FMO5: variants seen among roughly 807,000 people sequenced by gnomAD.
FMO5 encodes the protein flavin-containing monooxygenase 5.
In FMO5, 51 loss-of-function variants were observed where a neutral mutation model predicts 43.6. That is an observed-to-expected ratio of 1.17 (90% CI 0.93 to 1.48). FMO5 has a LOEUF of 1.48. FMO5 is among the 40% of genes most tolerant of loss of function. The pLI, the probability that FMO5 is intolerant of heterozygous loss-of-function variation, is 0.00. For synonymous variants in FMO5, 187 were observed against 216.5 expected (o/e 0.86, Z 1.20); for missense variants, 644 against 643.0 (o/e 1.00, Z -0.02).
intron 5 of FMO5, 78 bp downstream of exon 5, chr1:147,212,315 G>A: frequency 6.9e-7 from 1 of 1,459,430 alleles, no homozygotes; most frequent in Non-Finnish European, 9.5e-7. Flanking sequence ...CCTATTCTCT[G>A]TTGGGTCCAC....
chr1:147,205,005 T>C, intron 6 of FMO5: 1 of 834,328 alleles, frequency 1.2e-6, no homozygotes, highest in Non-Finnish European at 2.0e-6. Flanking sequence ...TCATGCCTGA[T>C]GAACCTGGAG....
At chr1:147,209,320 C>T (rs1414487334) in intron 5 of FMO5, among the ~76,000 whole-genome samples, 1 of 151,608 alleles carries the variant, frequency 6.6e-6, no homozygotes, top group African/African-American at 2.4e-5. Context: ...TGCCTGTAGT[C>T]CCAGCTACTC....
chr1:147,222,578 CT>C (rs2102083254), intron 2 of FMO5, among the ~76,000 whole-genome samples: 1 of 152,234 alleles, frequency 6.6e-6, no homozygotes, highest in Non-Finnish European at 1.5e-5. Flanking sequence ...ATCTGGGGAG[CT>C]TTAAAAAATG....
intron 7 of FMO5, among the ~76,000 whole-genome samples, chr1:147,199,814 A>G (rs138565621): frequency 6.6e-6 from 1 of 152,330 alleles, no homozygotes; most frequent in Non-Finnish European, 1.5e-5. Flanking sequence ...TTGTTGAACT[A>G]TCAACTGTAA....
At chr1:147,219,453 C>T (rs927070827) in intron 2 of FMO5, among the ~76,000 whole-genome samples, 1 of 152,060 alleles carries the variant, frequency 6.6e-6, no homozygotes. Flanking sequence ...TGAAAACTCT[C>T]AGCAAACTAG....
chr1:147,213,432 G>A lies in FMO5; in HGVS notation c.363C>T (p.Ala121=), dbSNP rs782514907. Residue 121 remains alanine (A), a synonymous_variant, in exon 4 of 9, where the codon GCC becomes GCT. Transcript: ENST00000254090. ...VCSVKKQPDF[A]TSGQWEVVTE... ...TGACCACTTCCCATTGGCCTGAAGT[G>A]GCAAAATCAGGCTGCTTCTTCACAC... 14 of 1,611,982 alleles carry A rather than the reference G, an allele frequency of 8.7e-6. No homozygotes were observed. The highest frequency in any genetic ancestry group is 1.0e-5 in the Non-Finnish European group (12 of 1,178,934).
At chr1:147,227,062 C>G (rs1324049908), upstream of FMO5, among the ~76,000 whole-genome samples, 1 of 152,172 alleles carries the variant, frequency 6.6e-6, no homozygotes, top group Non-Finnish European at 1.5e-5. Context: ...CTCCTGGGCT[C>G]AAGTGATCCA....
In FMO5 at chr1:147,225,059, C is replaced by T. The variant is rs1663799617; in HGVS notation, c.-30G>A. 1 of 1,613,906 alleles carries T rather than the reference C, an allele frequency of 6.2e-7. No individual in the cohort carries two copies. Among genetic ancestry groups the T allele is most frequent in the South Asian group, 1.1e-5 (1 of 91,072 alleles). ...TCCCGAGATCTTCACCTGTTAGTGT[C>T]GCCTGTCCTAAAGAAAGGATGACAA... is the stretch of plus-strand genomic sequence containing the variant. On this transcript the variant is annotated 5_prime_UTR_variant, in exon 2 of 9. Coordinates refer to ENST00000254090, the MANE Select transcript of FMO5 (RefSeq NM_001461.4).
chr1:147,218,797 C>A (rs979572137), intron 2 of FMO5, among the ~76,000 whole-genome samples: 3 of 152,148 alleles, frequency 2.0e-5, no homozygotes, highest in Non-Finnish European at 4.4e-5. Context: ...TTTAAACCTT[C>A]GTAAATATTA....
intron 2 of FMO5, among the ~76,000 whole-genome samples, chr1:147,219,415 ATGT>A (rs1662600928): frequency 6.6e-6 from 1 of 152,164 alleles, no homozygotes; most frequent in South Asian, 2.1e-4. Context: ...TTTTGTTAAA[ATGT>A]TGTTTGTACA....
chr1:147,191,133 G>A (rs587743637), intron 7 of FMO5, among the ~76,000 whole-genome samples: 66 of 152,150 alleles, frequency 4.3e-4, no homozygotes, highest in Non-Finnish European at 1.6e-4. Flanking sequence ...GAATAGTGCC[G>A]CAATAAACAT....
intron 2 of FMO5, among the ~76,000 whole-genome samples, chr1:147,217,181 G>C (rs1264439260): frequency 6.6e-6 from 1 of 151,924 alleles, no homozygotes; most frequent in African/African-American, 2.4e-5. Context: ...CGGAGGTTGC[G>C]GTGACAGAGA....
Position 147,186,638 on chromosome 1 carries a change from A to G in FMO5, c.*262T>C, listed in dbSNP as rs587690790. The G allele has an allele frequency of 8.0e-7, 1 of 1,251,064 alleles. No individual in the cohort carries two copies. The highest frequency in any genetic ancestry group is 1.5e-5 in the African/African-American group (1 of 65,512). The allele number at this position is 1,251,064 out of a possible 1,614,324, so 77.5% of individuals were successfully genotyped here. ...TCAAGAACTCTGCTAAAGACATACAAAGATGACTAAAAGAGTACCTGAGCT... is the reference window on the plus strand; with the variant it reads ...TCAAGAACTCTGCTAAAGACATACAGAGATGACTAAAAGAGTACCTGAGCT... On this transcript the variant is annotated 3_prime_UTR_variant, in exon 9 of 9. Coordinates refer to ENST00000254090, the MANE Select transcript of FMO5 (RefSeq NM_001461.4).
intron 7 of FMO5, among the ~76,000 whole-genome samples, chr1:147,192,606 G>A (rs1553918818): frequency 6.6e-6 from 1 of 151,872 alleles, no homozygotes; most frequent in African/African-American, 2.4e-5. Context: ...CAAAGGGAAT[G>A]CTTCCAGTTT....
chr1:147,199,072 T>C (rs2101813184), intron 7 of FMO5, among the ~76,000 whole-genome samples: 1 of 152,218 alleles, frequency 6.6e-6, no homozygotes, highest in South Asian at 2.1e-4. Flanking sequence ...GAAACTATGT[T>C]TCATTTCAGT....
chr1:147,198,414 A>G (rs1658372386), intron 7 of FMO5, among the ~76,000 whole-genome samples: 1 of 152,180 alleles, frequency 6.6e-6, no homozygotes, highest in African/African-American at 2.4e-5. Flanking sequence ...TAGAAATAAA[A>G]AGTAAAAGGA....
intron 7 of FMO5, among the ~76,000 whole-genome samples, chr1:147,190,693 A>G (rs1656558764): frequency 6.6e-6 from 1 of 152,082 alleles, no homozygotes; most frequent in African/African-American, 2.4e-5. Flanking sequence ...TTTTGTTTTT[A>G]TTATTATACC....
intron 3 of FMO5, chr1:147,215,414 A>G (rs1295647736): frequency 2.5e-5 from 5 of 198,644 alleles, no homozygotes; most frequent in East Asian, 2.7e-4. Context: ...TTGTGGAACC[A>G]GAGAGTTTTA....
intron 7 of FMO5, among the ~76,000 whole-genome samples, chr1:147,197,431 T>C (rs1392077878): frequency 1.3e-5 from 2 of 152,148 alleles, no homozygotes; most frequent in African/African-American, 4.8e-5. Flanking sequence ...GGTTTGGCTG[T>C]GTCCCCACCC....
Sources: gnomAD v4.1 joint callset for allele counts (sites outside exome capture counted in the v4.1 genomes callset) on GRCh38, gnomAD v4.1.1 for gene constraint, MANE v1.5 for transcripts, NCBI Gene and HGNC (gene_info 2026-07-23, HGNC 2026-07-21) for gene names.